Variants in TRPM6 observed in about 807,000 individuals in gnomAD.
The protein encoded by TRPM6 is channel kinase 2.
A neutral mutation model predicts 247.6 loss-of-function variants in TRPM6; 111 were observed. The observed-to-expected ratio is 0.45, with a 90% CI of 0.38 to 0.52. The LOEUF is 0.52. Ranked by LOEUF, TRPM6 falls within the 20% of genes least tolerant of loss-of-function variation. The probability of loss-of-function intolerance (pLI) is 0.00; values close to 1 mark genes in which losing one functional copy is unlikely to be tolerated. For synonymous variants in TRPM6, 892 were observed against 853.8 expected (o/e 1.04, Z -0.78); for missense variants, 2,126 against 2,421.5 (o/e 0.88, Z 2.56).
chr9:74,752,241 G>A (rs1413594371), intron 29 of TRPM6, 36 bp downstream of exon 29: 13 of 1,301,870 alleles, frequency 1.0e-5, no homozygotes, highest in Admixed American at 1.8e-5. Context: ...CTGCATGCTC[G>A]AATGCTTTTT....
At chr9:74,887,452 C>T (rs1350381278) in intron 1 of TRPM6, 6 of 1,077,410 alleles carry the variant, frequency 5.6e-6, no homozygotes, top group Non-Finnish European at 7.8e-6. Context: ...CCTCCGAACT[C>T]CTCTCCCTCC....
At chr9:74,743,123 G>A (rs1825917111) in intron 32 of TRPM6, among the ~76,000 whole-genome samples, 1 of 152,208 alleles carries the variant, frequency 6.6e-6, no homozygotes, top group African/African-American at 2.4e-5. Context: ...ACAGATCAGA[G>A]TCAATATGAG....
rs563144142 is a variant in TRPM6, at chr9:74,817,327, G to A, written c.1135-363C>T. Among the ~76,000 whole-genome samples the A allele has an allele frequency of 1.7e-4, 26 of 152,148 alleles. 1 individual carries two copies. In the South Asian group the frequency reaches 5.2e-3, roughly 30 times the overall value. On this transcript the variant is annotated intron_variant, in intron 9 of 38. Coordinates refer to ENST00000360774, the MANE Select transcript of TRPM6 (RefSeq NM_017662.5). ...TGAAATCCTTCATTCACCTAGCCTT[G>A]GAAACTAAGACTTTTGCTTTTTTTT...
intron 24 of TRPM6, 106 bp from the exon 25 acceptor site, chr9:74,771,941 TAA>T: frequency 9.3e-7 from 1 of 1,072,828 alleles, no homozygotes; most frequent in Non-Finnish European, 1.4e-6. Context: ...CCTGTTGTGA[TAA>T]GTTTGTCACC....
rs140767989 is a variant in TRPM6 at position 74,881,450 on chromosome 9, A to G, written c.33+6374T>C. ...ATGCACCCCAATATATAAAGCAAAT[A>G]TTATTCGATCAAACAGAACAAATAG... On this transcript the variant is annotated intron_variant, in intron 1 of 38. Transcript: ENST00000360774. Among the ~76,000 whole-genome samples, 840 of 152,304 alleles carry G rather than the reference A, an allele frequency of 5.5e-3. 5 individuals carry two copies. The highest frequency in any genetic ancestry group is 7.3e-3 in the Non-Finnish European group (498 of 68,036).
chr9:74,820,841 A>G (rs1829109888), intron 8 of TRPM6, among the ~76,000 whole-genome samples: 7 of 152,202 alleles, frequency 4.6e-5, no homozygotes, highest in Admixed American at 4.6e-4. Context: ...AGATTTCCAG[A>G]GGGCTGGAAA....
intron 6 of TRPM6, among the ~76,000 whole-genome samples, 199 bp from the exon 7 acceptor site, chr9:74,828,148 T>C (rs980540908): frequency 2.0e-5 from 3 of 151,868 alleles, no homozygotes; most frequent in Non-Finnish European, 4.4e-5. Context: ...GGTCAGGAGA[T>C]AGAGACCAGC....
At chr9:74,807,159 C>T (rs560167148) in intron 14 of TRPM6, among the ~76,000 whole-genome samples, 1 of 152,188 alleles carries the variant, frequency 6.6e-6, no homozygotes, top group East Asian at 1.9e-4. Flanking sequence ...TGGGCTTTCA[C>T]GTCACTTGAT....
chr9:74,750,735 G>C lies in TRPM6; in HGVS notation c.4999-13C>G, dbSNP rs1156400440. On this transcript the variant is annotated splice_polypyrimidine_tract_variant and intron_variant, in intron 29 of 38. Coordinates refer to ENST00000360774, the MANE Select transcript of TRPM6 (RefSeq NM_017662.5). ...TTTTGCTGAGATCCTGAGCAGAAGG[G>C]AAAGGCCGTTACGTGTGTGCTCAAC... 3 of 1,613,628 alleles carry C rather than the reference G, an allele frequency of 1.9e-6. No homozygotes were observed. Among genetic ancestry groups the C allele is most frequent in the African/African-American group, 2.7e-5 (2 of 74,908 alleles).
chr9:74,874,107 A>C (rs1248900363), intron 1 of TRPM6, among the ~76,000 whole-genome samples: 4 of 152,050 alleles, frequency 2.6e-5, no homozygotes, highest in Admixed American at 1.3e-4. Flanking sequence ...ATGGTGGTAC[A>C]TGCCTGTAAT....
In TRPM6 at chr9:74,810,848, T is replaced by C. The variant is rs201271493; in HGVS notation, c.1464A>G (p.Thr488=). Residue 488 remains threonine (T), a synonymous_variant, in exon 13 of 39, where the codon ACA becomes ACG. Coordinates refer to ENST00000360774, the MANE Select transcript of TRPM6 (RefSeq NM_017662.5). ...LYNTKQGPTN[T]LLHHLVQDVK... ...CATCTTGGACGAGATGATGCAAGAG[T>C]GTATTAGTAGGTCCTTGTTTCTGAA... 8.4e-5 allele frequency: 135 copies of C among 1,613,616 alleles called. No homozygotes were observed. Among genetic ancestry groups the C allele is most frequent in the Non-Finnish European group, 3.0e-5 (35 of 1,179,798 alleles).
At chr9:74,765,650 T>A (rs1279593014) in intron 25 of TRPM6, among the ~76,000 whole-genome samples, 2 of 152,190 alleles carry the variant, frequency 1.3e-5, no homozygotes, top group Non-Finnish European at 2.9e-5. Flanking sequence ...CCCGCTCTTA[T>A]CTGGGGGCAG....
intron 7 of TRPM6, among the ~76,000 whole-genome samples, chr9:74,824,848 G>C (rs1271112417): frequency 6.6e-6 from 1 of 151,728 alleles, no homozygotes; most frequent in Admixed American, 6.6e-5. Flanking sequence ...ATGGCTGAAA[G>C]CCAGGGATTC....
intron 35 of TRPM6, among the ~76,000 whole-genome samples, chr9:74,739,157 CT>C (rs1237720948): frequency 1.3e-5 from 2 of 152,154 alleles, no homozygotes; most frequent in African/African-American, 4.8e-5. Flanking sequence ...CTTTTTTCCA[CT>C]CATGTTTAAG....
intron 1 of TRPM6, among the ~76,000 whole-genome samples, chr9:74,881,546 A>T (rs1831364816): frequency 6.6e-6 from 1 of 152,132 alleles, no homozygotes; most frequent in African/African-American, 2.4e-5. Flanking sequence ...CTAAACAGAA[A>T]ATTAAAATAA....
At position 74,728,274 on chromosome 9, in the gene TRPM6, T is replaced by C. The variant is rs2118679211; in HGVS notation, c.5900A>G (p.His1967Arg). 1.9e-6 allele frequency: 3 copies of C among 1,614,140 alleles called. No homozygotes were observed. Among genetic ancestry groups the C allele is most frequent in the Non-Finnish European group, 2.5e-6 (3 of 1,180,010 alleles). ...GAGCTTCCGGCAGCAGGAGTTACAA[T>C]GATGTTTTGCAATGAAGTTTCTAAT... is the stretch of plus-strand genomic sequence containing the variant. ...DAIRNFIAKH[H>R]CNSCCRKLKL... is the part of the protein sequence containing the mutation. The change falls in exon 38 of 39, where the codon CAT becomes CGT. Residue 1967 changes from histidine (H) to arginine (R), a missense_variant. Physicochemically the swap from His to Arg is conservative, Grantham distance 29. Around this residue, in one of 3 missense-constraint regions of TRPM6, gnomAD observed 327 missense variants for 397.7 expected, o/e 0.82. Coordinates refer to ENST00000360774, the MANE Select transcript of TRPM6 (RefSeq NM_017662.5).
intron 1 of TRPM6, among the ~76,000 whole-genome samples, chr9:74,884,156 T>C (rs967346349): frequency 6.7e-6 from 1 of 148,816 alleles, no homozygotes; most frequent in African/African-American, 2.5e-5. Context: ...TCTCAAAAAA[T>C]AAAGTAAATA....
intron 3 of TRPM6, among the ~76,000 whole-genome samples, chr9:74,846,249 T>C (rs1227911318): frequency 6.6e-6 from 1 of 152,222 alleles, no homozygotes; most frequent in Admixed American, 6.5e-5. Flanking sequence ...AGTCAATTTA[T>C]GGCCCAGTAC....
At chr9:74,751,071 G>C (rs1438913015) in intron 29 of TRPM6, among the ~76,000 whole-genome samples, 1 of 152,146 alleles carries the variant, frequency 6.6e-6, no homozygotes, top group African/African-American at 2.4e-5. Flanking sequence ...ATCAGCTAAT[G>C]ACATGGAGAA....
Sources: allele counts gnomAD v4.1 joint callset (sites outside exome capture counted in the v4.1 genomes callset), GRCh38; gene constraint gnomAD v4.1.1; regional missense constraint gnomAD v4.1.1; transcripts MANE v1.5; gene names NCBI Gene and HGNC (gene_info 2026-07-23, HGNC 2026-07-21).